The following CPXM2 variants were observed in gnomAD, a reference collection of about 807,000 sequenced individuals.
CPXM2 encodes inactive carboxypeptidase-like protein X2.
CPXM2 carries 66 observed loss-of-function variants against 86.1 expected under a neutral mutation model. That is an observed-to-expected ratio of 0.77 (90% CI 0.63 to 0.94). The LOEUF (loss-of-function observed/expected upper bound fraction) is 0.94, where lower values mean the gene tolerates loss of function less well. Ranked by LOEUF, CPXM2 falls within the 40% of genes least tolerant of loss-of-function variation. The pLI is 0.00. For missense variants in CPXM2, 948 were observed against 1,026.3 expected, an observed-to-expected ratio of 0.92 and a Z score of 1.04; for synonymous variants, 388 against 400.2, an observed-to-expected ratio of 0.97 and a Z score of 0.36.
At chr10:123,860,070 T>C (rs893690834) in intron 3 of CPXM2, among the ~76,000 whole-genome samples, 1 of 152,078 alleles carries the variant, frequency 6.6e-6, no homozygotes, top group Non-Finnish European at 1.5e-5. Flanking sequence ...CAAGGCCACA[T>C]CTAACATGGG....
intron 3 of CPXM2, among the ~76,000 whole-genome samples, chr10:123,851,063 C>G (rs565004341): frequency 6.6e-6 from 1 of 152,222 alleles, no homozygotes; most frequent in East Asian, 1.9e-4. Flanking sequence ...TGTCTCATTG[C>G]GGCTTTCATT....
intron 6 of CPXM2, among the ~76,000 whole-genome samples, chr10:123,794,678 CTTTTA>C (rs1424813033): frequency 1.4e-5 from 2 of 145,648 alleles, no homozygotes; most frequent in African/African-American, 5.5e-5. Context: ...AGAGGACTTT[CTTTTA>C]TTGTTTTTTA....
intron 10 of CPXM2, among the ~76,000 whole-genome samples, chr10:123,766,147 C>G (rs1375903186): frequency 6.6e-6 from 1 of 152,162 alleles, no homozygotes; most frequent in Non-Finnish European, 1.5e-5. Context: ...ACAGCTGGAG[C>G]ACCAGCTGCC....
intron 4 of CPXM2, among the ~76,000 whole-genome samples, chr10:123,816,037 TGAGA>T (rs1263442092): frequency 1.3e-5 from 2 of 152,106 alleles, no homozygotes; most frequent in Non-Finnish European, 2.9e-5. Context: ...TGGCCCACTG[TGAGA>T]GAGGTGGAAA....
At chr10:123,759,152 C>T (rs192418959) in intron 11 of CPXM2, among the ~76,000 whole-genome samples, 71 of 152,322 alleles carry the variant, frequency 4.7e-4, no homozygotes, top group African/African-American at 1.5e-3. Context: ...AAATCCCTCA[C>T]ATGGGCCCCG....
intron 2 of CPXM2, among the ~76,000 whole-genome samples, chr10:123,867,825 G>T (rs1006804824): frequency 6.6e-6 from 1 of 152,126 alleles, no homozygotes; most frequent in Non-Finnish European, 1.5e-5. Flanking sequence ...GAGCCACTGC[G>T]CCCGGCCCAT....
chr10:123,827,879 T>C (rs558634518), intron 4 of CPXM2, among the ~76,000 whole-genome samples: 80 of 152,140 alleles, frequency 5.3e-4, no homozygotes, highest in African/African-American at 1.8e-3. Context: ...GAAAAATAAA[T>C]CAGGGTGGGC....
intron 1 of CPXM2, among the ~76,000 whole-genome samples, chr10:123,883,736 A>C (rs1314071641): frequency 1.3e-5 from 2 of 152,230 alleles, no homozygotes; most frequent in African/African-American, 4.8e-5. Context: ...GGTCACGGAC[A>C]GAGCAAGGAG....
At chr10:123,751,252 G>T (rs1432387155) in intron 13 of CPXM2, among the ~76,000 whole-genome samples, 2 of 152,168 alleles carry the variant, frequency 1.3e-5, no homozygotes, top group Non-Finnish European at 2.9e-5. Flanking sequence ...CAAAGGCTTG[G>T]AGCAAACACA....
intron 2 of CPXM2, among the ~76,000 whole-genome samples, chr10:123,915,762 A>G (rs1945529744): frequency 5.3e-5 from 8 of 152,106 alleles, no homozygotes. Context: ...TTCATGTATT[A>G]TTTTGAAAGC....
At chr10:123,925,333 T>C (rs9794150) in intron 2 of CPXM2, among the ~76,000 whole-genome samples, 39,903 of 152,008 alleles carry the variant, frequency 0.26, 5,468 homozygotes, top group Middle Eastern at 0.33. Context: ...CCTCATTAAG[T>C]AGTGGAGATT....
chr10:123,807,461 G>A (rs943998326), intron 4 of CPXM2, among the ~76,000 whole-genome samples: 3 of 152,186 alleles, frequency 2.0e-5, no homozygotes, highest in Non-Finnish European at 4.4e-5. Flanking sequence ...TGAGATGTGT[G>A]GTTAAGTCCT....
At chr10:123,813,087 C>T (rs184507074) in intron 4 of CPXM2, among the ~76,000 whole-genome samples, 40 of 152,290 alleles carry the variant, frequency 2.6e-4, no homozygotes, top group African/African-American at 9.6e-4. Flanking sequence ...CCACAACTAC[C>T]TTTTGTGAAA....
chr10:123,851,191 T>C (rs1848591180), intron 3 of CPXM2, among the ~76,000 whole-genome samples: 2 of 152,202 alleles, frequency 1.3e-5, no homozygotes, highest in Non-Finnish European at 2.9e-5. Context: ...GTCCTTCCAA[T>C]AGACCATGTT....
rs1380419353 is a variant in CPXM2, at chr10:123,891,187, C to A, written c.304+169G>T. Among the ~76,000 whole-genome samples the A allele has an allele frequency of 6.6e-6, 1 of 152,188 alleles. No homozygotes were observed. The highest frequency in any genetic ancestry group is 2.4e-5 in the African/African-American group (1 of 41,450). ...CAAGGACAAGTTCTGGGAAGCTGGG[C>A]GGGCCGGCAGGAAGCGCAGATACAG... On this transcript the variant is annotated intron_variant, in intron 1 of 13. Transcript: ENST00000241305. The surrounding 1 kb of genome is among the most constrained non-coding windows in gnomAD (Gnocchi z 5.6).
chr10:123,884,722 CTCTCTCTTTCTCTCTCTG>C (rs988809703), intron 1 of CPXM2, among the ~76,000 whole-genome samples: 5 of 152,208 alleles, frequency 3.3e-5, no homozygotes, highest in East Asian at 1.9e-4. Flanking sequence ...CCATCTCTCT[CTCTCTCTTTCTCTCTCTG>C]TCTCTCTTTC....
Position 123,746,826 on chromosome 10 carries a change from G to C in CPXM2, c.2209C>G (p.Pro737Ala). The C allele has an allele frequency of 6.2e-7, 1 of 1,614,188 alleles. No individual in the cohort carries two copies. The highest frequency in any genetic ancestry group is 8.5e-7 in the Non-Finnish European group (1 of 1,180,028). ...REIMEKFGKQ[P>A]VSLPARRLKL... ...AGCCGCCTGGCTGGCAGGCTGACGGGCTGCTTCCCAAACTTCTCCATGATC... is the reference window on the plus strand; with the variant it reads ...AGCCGCCTGGCTGGCAGGCTGACGGCCTGCTTCCCAAACTTCTCCATGATC... Residue 737 changes from proline (P) to alanine (A), a missense_variant, in exon 14 of 14, where the codon CCC becomes GCC. By Grantham distance (27) the Pro-to-Ala change is conservative. Coordinates refer to ENST00000241305, the MANE Select transcript of CPXM2 (RefSeq NM_198148.3).
intron 4 of CPXM2, among the ~76,000 whole-genome samples, chr10:123,800,966 C>A (rs546253182): frequency 6.6e-6 from 1 of 151,650 alleles, no homozygotes; most frequent in African/African-American, 2.4e-5. Flanking sequence ...TCACGCCTTC[C>A]GCTCTACACT....
intron 2 of CPXM2, among the ~76,000 whole-genome samples, chr10:123,918,980 G>C (rs748913299): frequency 1.1e-4 from 16 of 152,192 alleles, no homozygotes; most frequent in Admixed American, 8.5e-4. Flanking sequence ...GGGGCCACTG[G>C]GAGCTGGAGA....
Sources: allele counts gnomAD v4.1 joint callset (sites outside exome capture counted in the v4.1 genomes callset), GRCh38; gene constraint gnomAD v4.1.1; non-coding constraint Gnocchi (gnomAD v3.1); transcripts MANE v1.5; gene names NCBI Gene and HGNC (gene_info 2026-07-23, HGNC 2026-07-21).